The following TLL1 variants were observed in gnomAD, a reference collection of about 807,000 sequenced individuals.
TLL1 encodes tolloid-like protein 1.
TLL1 carries 49 observed loss-of-function variants against 128.2 expected under a neutral mutation model. The observed-to-expected ratio is 0.38, with a 90% CI of 0.30 to 0.48. The LOEUF is 0.48. TLL1 is among the 20% of genes least tolerant of loss of function. The probability of loss-of-function intolerance (pLI) is 0.96; values close to 1 mark genes in which losing one functional copy is unlikely to be tolerated. For synonymous variants in TLL1, 454 were observed against 418.8 expected (o/e 1.08, Z -1.03); for missense variants, 1,123 against 1,242.0 (o/e 0.90, Z 1.44).
intron 2 of TLL1, among the ~76,000 whole-genome samples, chr4:165,990,769 G>C (rs1317371901): frequency 6.6e-6 from 1 of 151,888 alleles, no homozygotes; most frequent in Non-Finnish European, 1.5e-5. Context: ...TTAAAGTAGG[G>C]AGTATGTAAG....
intron 1 of TLL1, among the ~76,000 whole-genome samples, chr4:165,961,945 C>T (rs1735125589): frequency 6.6e-6 from 1 of 151,988 alleles, no homozygotes; most frequent in South Asian, 2.1e-4. Context: ...AAAAACTAGA[C>T]ATCGAAGAAA....
rs1408896261 is a variant in TLL1 at position 166,102,014 on chromosome 4, G to C, written c.*1138G>C. On this transcript the variant is annotated 3_prime_UTR_variant, in exon 21 of 21. Coordinates refer to ENST00000061240, the MANE Select transcript of TLL1 (RefSeq NM_012464.5). The stretch of plus-strand genomic sequence containing the variant: ...TTTTTCAAACAAGTTTTTGACCTTT[G>C]AGCCAACCCACCCGTAGACTACGAA... The C allele has an allele frequency of 1.3e-5, 2 of 152,068 alleles. No homozygotes were observed. The highest frequency in any genetic ancestry group is 2.9e-5 in the Non-Finnish European group (2 of 67,870). 9.4% of individuals were successfully genotyped at this position (152,068 alleles called of 1,614,324 possible).
chr4:166,003,982 A>C (rs960727782), intron 6 of TLL1, among the ~76,000 whole-genome samples: 7 of 152,088 alleles, frequency 4.6e-5, no homozygotes, highest in African/African-American at 1.7e-4. Context: ...TACCATAGGA[A>C]TCTGTGTTAT....
At chr4:166,094,981 T>C (rs1741953043) in intron 19 of TLL1, among the ~76,000 whole-genome samples, 1 of 152,154 alleles carries the variant, frequency 6.6e-6, no homozygotes, top group Non-Finnish European at 1.5e-5. Flanking sequence ...TTTCAATTTA[T>C]CTTTCAATTT....
chr4:166,077,502 T>C (rs1360000929), intron 17 of TLL1, among the ~76,000 whole-genome samples: 1 of 152,160 alleles, frequency 6.6e-6, no homozygotes, highest in Non-Finnish European at 1.5e-5. Context: ...ATGTTTCCTT[T>C]ATAGGAAAAA....
At chr4:165,906,988 T>C (rs570423706) in intron 1 of TLL1, among the ~76,000 whole-genome samples, 27 of 152,334 alleles carry the variant, frequency 1.8e-4, no homozygotes, top group African/African-American at 6.0e-4. Flanking sequence ...CAACATTTAT[T>C]TCAGTAATTG....
chr4:166,068,006 T>C (rs1740646697), intron 16 of TLL1, among the ~76,000 whole-genome samples: 1 of 151,738 alleles, frequency 6.6e-6, no homozygotes, highest in Non-Finnish European at 1.5e-5. Flanking sequence ...AGATATAATT[T>C]TCCCTTCTTT....
intron 1 of TLL1, among the ~76,000 whole-genome samples, chr4:165,931,103 G>A (rs1733491685): frequency 6.6e-6 from 1 of 152,044 alleles, no homozygotes; most frequent in Non-Finnish European, 1.5e-5. Context: ...TAAAGTTGAA[G>A]AATAGGTAAG....
At chr4:166,006,213 A>C (rs563220925) in intron 6 of TLL1, among the ~76,000 whole-genome samples, 6 of 151,984 alleles carry the variant, frequency 3.9e-5, no homozygotes, top group African/African-American at 1.4e-4. Flanking sequence ...TTCATGTTAG[A>C]ATATGATTTC....
intron 16 of TLL1, among the ~76,000 whole-genome samples, chr4:166,071,002 T>C (rs1166668933): frequency 6.6e-6 from 1 of 151,972 alleles, no homozygotes; most frequent in Non-Finnish European, 1.5e-5. Context: ...GTCTCTGTTG[T>C]AGCTCTCGTA....
intron 1 of TLL1, among the ~76,000 whole-genome samples, chr4:165,896,114 G>A (rs1434189773): frequency 6.6e-6 from 1 of 151,994 alleles, no homozygotes; most frequent in African/African-American, 2.4e-5. Flanking sequence ...CCCGGTGTGT[G>A]ATGTTCCCCT....
In TLL1 at chr4:165,895,803, G is replaced by C. The variant is rs148243607; in HGVS notation, c.169+21730G>C. Among the ~76,000 whole-genome samples, 1,323 of 152,080 alleles carry C rather than the reference G, an allele frequency of 8.7e-3. 21 individuals carry two copies. Among genetic ancestry groups the C allele is most frequent in the African/African-American group, 0.03 (1,258 of 41,474 alleles). On this transcript the variant is annotated intron_variant, in intron 1 of 20. Transcript: ENST00000061240. ...TTACAGCTACAGTACTCAAGACAGG[G>C]CATGTTTTGGCATCAAGAGCAACAG...
At chr4:166,003,317 C>A (rs1737253808) in intron 5 of TLL1, 74 bp from the exon 6 acceptor site, 1 of 1,514,006 alleles carries the variant, frequency 6.6e-7, no homozygotes, top group Non-Finnish European at 9.2e-7. Context: ...CTATTCTTTA[C>A]AAAAAATTCA....
In TLL1 at chr4:166,083,187, AT is replaced by A. The variant is rs1174217571; in HGVS notation, c.2442+5159del. Among the ~76,000 whole-genome samples, 3 of 126,498 alleles carry A rather than the reference AT, an allele frequency of 2.4e-5. 1 individual carries two copies. The highest frequency in any genetic ancestry group is 3.7e-5 in the Non-Finnish European group (2 of 53,370). The allele number at this position is 126,498 out of a possible 152,430, so 83.0% of individuals were successfully genotyped here. A position where few individuals can be genotyped will look rare whatever the true frequency, so the allele number is the denominator to read the frequency against. ...GTGGAACTTTCTTCACAGTTCATGG[AT>A]TGATACCCCTTTTTCTTTAGGCAGG... On this transcript the variant is annotated intron_variant, in intron 18 of 20. Transcript: ENST00000061240.
At chr4:165,926,405 G>A (rs1733269474) in intron 1 of TLL1, among the ~76,000 whole-genome samples, 1 of 152,274 alleles carries the variant, frequency 6.6e-6, no homozygotes, top group East Asian at 1.9e-4. Flanking sequence ...ATTTGCACGA[G>A]AACTGGAATT....
rs913069443 is a variant in TLL1 at position 166,051,561 on chromosome 4, T to C, written c.1525-3515T>C. 3.9e-5 allele frequency among the ~76,000 whole-genome samples: 6 copies of C among 152,146 alleles called. No individual in the cohort carries two copies. In the South Asian group the frequency reaches 1.2e-3, roughly 32 times the overall value. On this transcript the variant is annotated intron_variant, in intron 12 of 20. Coordinates refer to ENST00000061240, the MANE Select transcript of TLL1 (RefSeq NM_012464.5). ...ACACAAATGACACAAATAAAGTAAC[T>C]CAAATATTCATTTGTGCTCATTGTT... is the stretch of plus-strand genomic sequence containing the variant.
intron 1 of TLL1, among the ~76,000 whole-genome samples, chr4:165,914,247 A>G (rs1291729097): frequency 6.6e-6 from 1 of 152,198 alleles, no homozygotes; most frequent in East Asian, 1.9e-4. Flanking sequence ...TCGCTACCCC[A>G]GAAAACAATA....
chr4:166,078,883 C>T (rs1409241941), intron 18 of TLL1, among the ~76,000 whole-genome samples: 1 of 152,054 alleles, frequency 6.6e-6, no homozygotes, highest in East Asian at 1.9e-4. Flanking sequence ...TAGATCAGTC[C>T]AATCATAAGC....
In TLL1 at chr4:165,987,333, A is replaced by G. The variant is rs148200017; in HGVS notation, c.170-2048A>G. ...TTTTATGAAAACCAACAAGCCTTAT[A>G]TTATAATTGGCAAAATATTTAACTT... On this transcript the variant is annotated intron_variant, in intron 1 of 20. Coordinates refer to ENST00000061240, the MANE Select transcript of TLL1 (RefSeq NM_012464.5). Among the ~76,000 whole-genome samples the G allele has an allele frequency of 2.2e-3, 332 of 152,250 alleles. 1 individual carries two copies. Among genetic ancestry groups the G allele is most frequent in the African/African-American group, 6.9e-3 (287 of 41,572 alleles).
Sources: gnomAD v4.1 joint callset for allele counts (sites outside exome capture counted in the v4.1 genomes callset) on GRCh38, gnomAD v4.1.1 for gene constraint, MANE v1.5 for transcripts, NCBI Gene and HGNC (gene_info 2026-07-23, HGNC 2026-07-21) for gene names.